CDH12: variants seen among roughly 807,000 people sequenced by gnomAD.
CDH12 encodes the protein cadherin 12.
In CDH12, 41 loss-of-function variants were observed where a neutral mutation model predicts 74.1. The observed-to-expected ratio is 0.55, with a 90% CI of 0.43 to 0.72. The LOEUF (loss-of-function observed/expected upper bound fraction) is 0.72. Ranked by LOEUF, CDH12 falls within the 30% of genes least tolerant of loss-of-function variation. The pLI, the probability that CDH12 is intolerant of heterozygous loss-of-function variation, is 0.00. For missense variants in CDH12, 945 were observed against 977.2 expected, an observed-to-expected ratio of 0.97 and a Z score of 0.44; for synonymous variants, 399 against 355.0, an observed-to-expected ratio of 1.12 and a Z score of -1.39.
At chr5:22,573,597 AT>A (rs911353686) in intron 1 of CDH12, among the ~76,000 whole-genome samples, 31 of 152,290 alleles carry the variant, frequency 2.0e-4, no homozygotes, top group African/African-American at 6.3e-4. Context: ...TAAAATTAAA[AT>A]TTTAGTTTCA....
intron 4 of CDH12, among the ~76,000 whole-genome samples, chr5:22,154,712 C>A (rs1425775687): frequency 6.6e-6 from 1 of 151,636 alleles, no homozygotes; most frequent in African/African-American, 2.4e-5. Context: ...TTTCAAAATA[C>A]AATACCTTCC....
At chr5:22,286,906 G>A (rs1259688605) in intron 3 of CDH12, among the ~76,000 whole-genome samples, 2 of 152,106 alleles carry the variant, frequency 1.3e-5, no homozygotes, top group Non-Finnish European at 2.9e-5. Context: ...TGGATGCTTT[G>A]CCTTCCTGTC....
intron 7 of CDH12, 101 bp downstream of exon 7, chr5:21,854,570 T>G: frequency 1.1e-6 from 1 of 913,026 alleles, no homozygotes; most frequent in Non-Finnish European, 1.7e-6. Flanking sequence ...CACTGAAGCT[T>G]TATGGCTATA....
At chr5:22,211,530 T>C (rs1751542271) in intron 4 of CDH12, among the ~76,000 whole-genome samples, 1 of 152,090 alleles carries the variant, frequency 6.6e-6, no homozygotes. Flanking sequence ...AATCAGGCTA[T>C]ATTTACATGC....
At chr5:21,927,008 C>A (rs1225250711) in intron 6 of CDH12, among the ~76,000 whole-genome samples, 2 of 152,128 alleles carry the variant, frequency 1.3e-5, no homozygotes, top group African/African-American at 4.8e-5. Context: ...AGGGAAATTT[C>A]TTGGGATAAC....
chr5:21,812,999 T>A (rs1262257955), intron 9 of CDH12, among the ~76,000 whole-genome samples: 1 of 152,176 alleles, frequency 6.6e-6, no homozygotes, highest in Non-Finnish European at 1.5e-5. Flanking sequence ...TACAAATATG[T>A]TTTGGCTGTT....
intron 5 of CDH12, among the ~76,000 whole-genome samples, chr5:22,050,179 CT>C (rs202229228): frequency 0.014 from 2,053 of 152,020 alleles, 45 homozygotes; most frequent in African/African-American, 0.047. Context: ...AGTATCTCTA[CT>C]TTTTTTTCTT....
intron 11 of CDH12, among the ~76,000 whole-genome samples, chr5:21,778,338 T>C (rs1380384666): frequency 6.6e-6 from 1 of 152,098 alleles, no homozygotes; most frequent in Non-Finnish European, 1.5e-5. Context: ...GATGAGTTAA[T>C]GCATAGAAAG....
chr5:21,907,090 C>T (rs796720710), intron 6 of CDH12, among the ~76,000 whole-genome samples: 6 of 152,320 alleles, frequency 3.9e-5, no homozygotes, highest in African/African-American at 1.4e-4. Context: ...TACTGCAATA[C>T]TGTTATGTGC....
intron 2 of CDH12, among the ~76,000 whole-genome samples, chr5:22,436,569 A>G (rs1307099482): frequency 5.3e-5 from 8 of 152,120 alleles, no homozygotes; most frequent in Non-Finnish European, 1.5e-5. Context: ...CTCTGCATGA[A>G]TTATTCTTTC....
intron 6 of CDH12, among the ~76,000 whole-genome samples, chr5:21,900,590 C>T (rs891626107): frequency 5.9e-5 from 9 of 152,142 alleles, no homozygotes; most frequent in African/African-American, 2.2e-4. Context: ...CAACCAAATG[C>T]TGGATATTAC....
intron 14 of CDH12, among the ~76,000 whole-genome samples, chr5:21,753,119 A>G (rs1744192816): frequency 6.6e-6 from 1 of 152,186 alleles, no homozygotes; most frequent in Non-Finnish European, 1.5e-5. Flanking sequence ...TTTTCTTGTC[A>G]TAATAACCCC....
At chr5:21,970,869 A>AG (rs1756820659) in intron 6 of CDH12, among the ~76,000 whole-genome samples, 1 of 143,518 alleles carries the variant, frequency 7.0e-6, no homozygotes, top group African/African-American at 2.6e-5. Context: ...AAAAAAAAAA[A>AG]AAAAAGAAAA....
intron 1 of CDH12, among the ~76,000 whole-genome samples, chr5:22,617,441 A>T (rs1048661801): frequency 3.3e-5 from 5 of 152,126 alleles, no homozygotes; most frequent in Non-Finnish European, 7.4e-5. Flanking sequence ...GGGAGATCAT[A>T]TGTTTAGGAA....
chr5:22,842,071 G>T (rs781701304), intron 1 of CDH12, among the ~76,000 whole-genome samples: 2 of 152,076 alleles, frequency 1.3e-5, no homozygotes, highest in Non-Finnish European at 2.9e-5. Flanking sequence ...CCTCAAACAG[G>T]TTATATTTGA....
At chr5:22,842,131 A>G (rs1737106536) in intron 1 of CDH12, among the ~76,000 whole-genome samples, 1 of 152,210 alleles carries the variant, frequency 6.6e-6, no homozygotes, top group South Asian at 2.1e-4. Context: ...CCATGGAACT[A>G]GTACTGCCAC....
chr5:22,349,228 T>C (rs1005770740), intron 3 of CDH12, among the ~76,000 whole-genome samples: 3 of 152,222 alleles, frequency 2.0e-5, no homozygotes, highest in African/African-American at 7.2e-5. Context: ...ATAAGCTGTC[T>C]AGTCCATGGC....
chr5:22,624,455 T>C (rs1369122709), intron 1 of CDH12, among the ~76,000 whole-genome samples: 1 of 151,938 alleles, frequency 6.6e-6, no homozygotes, highest in Non-Finnish European at 1.5e-5. Flanking sequence ...CTCAAACAAA[T>C]TTACAAGAAA....
chr5:22,117,482 A>ATAATATG (rs1745213604), intron 4 of CDH12, among the ~76,000 whole-genome samples: 1 of 48,062 alleles, frequency 2.1e-5, no homozygotes, highest in Admixed American at 3.4e-4. Context: ...TATATATTAT[A>ATAATATG]TATATATTAT....
Sources: gnomAD v4.1 joint callset for allele counts (sites outside exome capture counted in the v4.1 genomes callset) on GRCh38, gnomAD v4.1.1 for gene constraint, MANE v1.5 for transcripts, NCBI Gene and HGNC (gene_info 2026-07-23, HGNC 2026-07-21) for gene names.